The following OR7A5 variants were observed in gnomAD, a reference collection of about 807,000 sequenced individuals.
The protein encoded by OR7A5 is olfactory receptor 7A5.
For missense variants in OR7A5, 319 were observed against 377.9 expected, an observed-to-expected ratio of 0.84 and a Z score of 1.29; for synonymous variants, 140 against 146.7, an observed-to-expected ratio of 0.95 and a Z score of 0.33.
intron 1 of OR7A5, among the ~76,000 whole-genome samples, chr19:14,829,440 T>A (rs981964610): frequency 1.3e-5 from 2 of 152,302 alleles, no homozygotes; most frequent in Non-Finnish European, 1.5e-5. Flanking sequence ...CAACCTCAGG[T>A]GATCCGCTCA....
At position 14,826,366 on chromosome 19, in the gene OR7A5, T is replaced by C. The variant is rs1185997601; in HGVS notation, c.*916A>G. ...CACTTTAATGTTTACGACAAAATTTTATAATGAAGGAGGTATTTTGGTTAG... is the reference window on the plus strand; with the variant it reads ...CACTTTAATGTTTACGACAAAATTTCATAATGAAGGAGGTATTTTGGTTAG... On this transcript the variant is annotated 3_prime_UTR_variant, in exon 2 of 2. Coordinates refer to ENST00000322301, the MANE Select transcript of OR7A5 (RefSeq NM_017506.2). 6.6e-6 allele frequency: 1 copy of C among 152,234 alleles called. No homozygotes were observed. Among genetic ancestry groups the C allele is most frequent in the Non-Finnish European group, 1.5e-5 (1 of 68,030 alleles). 9.4% of individuals were successfully genotyped at this position (152,234 alleles called of 1,614,324 possible).
intron 1 of OR7A5, among the ~76,000 whole-genome samples, chr19:14,830,001 C>T (rs2044815414): frequency 6.6e-6 from 1 of 152,164 alleles, no homozygotes; most frequent in Admixed American, 6.5e-5. Context: ...TAGTTGGGAC[C>T]ACAGCCATGT....
rs199991194 is a variant in OR7A5 at position 14,826,853 on chromosome 19, T to TG, written c.*428_*429insC. The TG allele has an allele frequency of 0.015, 2,348 of 155,760 alleles. 45 individuals are homozygous for TG. Among genetic ancestry groups the TG allele is most frequent in the Non-Finnish European group, 0.019 (1,356 of 70,478 alleles). 9.6% of individuals were successfully genotyped at this position (155,760 alleles called of 1,614,324 possible). On this transcript the variant is annotated 3_prime_UTR_variant, in exon 2 of 2. Transcript: ENST00000322301. Reference sequence around the variant, plus strand: ...TACACAAGTATGTTCAGGTCTACATTATCAGGAGGAGCATTGAAGGTAGAG... The same window carrying TG: ...TACACAAGTATGTTCAGGTCTACATTGATCAGGAGGAGCATTGAAGGTAGAG...
intron 1 of OR7A5, 60 bp from the exon 2 acceptor site, chr19:14,828,314 G>A: frequency 9.0e-6 from 13 of 1,437,188 alleles, no homozygotes; most frequent in Non-Finnish European, 1.2e-5. Context: ...TAACCTTTCA[G>A]AAATACCATC....
chr19:14,827,743 A>T lies in OR7A5; in HGVS notation c.499T>A (p.Ser167Thr). Reference protein sequence around the residue: ...LLQILMVVRLSFCTALEIPHF... With the variant: ...LLQILMVVRLTFCTALEIPHF... ...GGGATTTCTAAGGCTGTGCAGAAGG[A>T]CAGCCGTACTACCATTAAGATTTGT... Residue 167 changes from serine to threonine, a missense_variant, in exon 2 of 2, where the codon TCC becomes ACC. Transcript: ENST00000322301. The T allele has an allele frequency of 1.2e-6, 2 of 1,614,184 alleles. No individual in the cohort carries two copies. Among genetic ancestry groups the T allele is most frequent in the Non-Finnish European group, 1.7e-6 (2 of 1,180,026 alleles).
At chr19:14,832,912 A>G (rs1262004117) in intron 1 of OR7A5, among the ~76,000 whole-genome samples, 1 of 152,248 alleles carries the variant, frequency 6.6e-6, no homozygotes, top group African/African-American at 2.4e-5. Context: ...ACATAAATTA[A>G]TAAATTGGCA....
At chr19:14,833,991 G>A (rs1359714039) in intron 1 of OR7A5, among the ~76,000 whole-genome samples, 1 of 152,156 alleles carries the variant, frequency 6.6e-6, no homozygotes, top group Admixed American at 6.5e-5. Flanking sequence ...TGGGCGTGGT[G>A]GCACACGTCT....
chr19:14,827,740 A>T lies in OR7A5; in HGVS notation c.502T>A (p.Phe168Ile), dbSNP rs2044785322. 1 of 1,614,048 alleles carries T rather than the reference A, an allele frequency of 6.2e-7. No homozygotes were observed. Among genetic ancestry groups the T allele is most frequent in the Admixed American group, 1.7e-5 (1 of 60,006 alleles). Residue 168 changes from phenylalanine (F) to isoleucine (I), a missense_variant, in exon 2 of 2, where the codon TTC (phenylalanine) becomes ATC (isoleucine). Physicochemically the swap from Phe to Ile is conservative, Grantham distance 21 (BLOSUM62 0). Coordinates refer to ENST00000322301, the MANE Select transcript of OR7A5 (RefSeq NM_017506.2). ...TGGGGGATTTCTAAGGCTGTGCAGA[A>T]GGACAGCCGTACTACCATTAAGATT... The part of the protein sequence containing the change: ...LQILMVVRLS[F>I]CTALEIPHFF...
rs1201519104 is a variant in OR7A5 at position 14,827,089 on chromosome 19, A to G, written c.*193T>C. On this transcript the variant is annotated 3_prime_UTR_variant, in exon 2 of 2. Transcript: ENST00000322301. ...TTGAGAAAGTAGGAAAACAACAAAG[A>G]GAAAAAACTGTTGGATATCAGAGAG... The G allele has an allele frequency of 2.1e-6, 1 of 472,682 alleles. No individual in the cohort carries two copies. Among genetic ancestry groups the G allele is most frequent in the Non-Finnish European group, 3.5e-6 (1 of 288,276 alleles). The allele number at this position is 472,682 out of a possible 1,614,324, so 29.3% of individuals were successfully genotyped here. A position where few individuals can be genotyped will look rare whatever the true frequency, so the allele number is the denominator to read the frequency against.
intron 1 of OR7A5, among the ~76,000 whole-genome samples, chr19:14,832,676 C>T (rs1395026071): frequency 2.0e-5 from 3 of 151,596 alleles, no homozygotes; most frequent in African/African-American, 7.3e-5. Flanking sequence ...CCACCCACCT[C>T]GGCCTCCCAA....
Position 14,828,042 on chromosome 19 carries a change from G to A in OR7A5, c.200C>T (p.Ser67Phe), listed in dbSNP as rs2145078112. The change falls in exon 2 of 2, where the codon TCC becomes TTC. Residue 67 changes from serine to phenylalanine, a missense_variant. Physicochemically the swap from Ser to Phe is radical, Grantham distance 155. Transcript: ENST00000322301. ...GGAAGTAACACAAATGTCAGCAAAG[G>A]ACAGGTTGGAGAGGAAGAAGTACAT... ...TPMYFFLSNL[S>F]FADICVTSTT... is the part of the protein sequence containing the mutation. 5 of 1,614,170 alleles carry A rather than the reference G, an allele frequency of 3.1e-6. No individual in the cohort carries two copies. Among genetic ancestry groups the A allele is most frequent in the Non-Finnish European group, 4.2e-6 (5 of 1,180,028 alleles).
chr19:14,828,428 T>C, intron 1 of OR7A5, 174 bp from the exon 2 acceptor site: 1 of 681,550 alleles, frequency 1.5e-6, no homozygotes, highest in South Asian at 2.0e-5. Flanking sequence ...CTTCCCACTC[T>C]CAGCCTTAAC....
rs1323617927 is a variant in OR7A5, at chr19:14,827,473, C to G, written c.769G>C (p.Gly257Arg). ...VVSLFYGAIL[G>R]VYLSSAATRN... is the part of the protein sequence containing the mutation. ...GTGGCAGCAGAACTAAGGTACACCC[C>G]TAGGATTGCACCATAAAATAAGGAG... The change falls in exon 2 of 2, where the codon GGG becomes CGG. Residue 257 changes from glycine (G) to arginine (R), a missense_variant. Coordinates refer to ENST00000322301, the MANE Select transcript of OR7A5 (RefSeq NM_017506.2). 1 of 1,614,036 alleles carries G rather than the reference C, an allele frequency of 6.2e-7. No homozygotes were observed. The highest frequency in any genetic ancestry group is 1.3e-5 in the African/African-American group (1 of 75,002).
rs1268702024 is a variant in OR7A5 at position 14,832,434 on chromosome 19, CT to C, written c.-14+2639del. 5.1e-3 allele frequency among the ~76,000 whole-genome samples: 441 copies of C among 86,448 alleles called. 3 individuals carry two copies. Among genetic ancestry groups the C allele is most frequent in the African/African-American group, 9.8e-3 (237 of 24,154 alleles). The allele number at this position is 86,448 out of a possible 152,430, so 56.7% of individuals were successfully genotyped here. On this transcript the variant is annotated intron_variant, in intron 1 of 1. Transcript: ENST00000322301. ...TCTCTCTTTCTTTCTTTTTTCTTTTCTTTTTTTTTTTTAATGGAGCCTTGCT... is the reference window on the plus strand; with the variant it reads ...TCTCTCTTTCTTTCTTTTTTCTTTTCTTTTTTTTTTTAATGGAGCCTTGCT...
chr19:14,834,913 C>T (rs761044649), intron 1 of OR7A5, among the ~76,000 whole-genome samples, 161 bp downstream of exon 1: 27 of 152,158 alleles, frequency 1.8e-4, no homozygotes, highest in Admixed American at 6.5e-5. Context: ...CATCATAAAA[C>T]GAGACATTAC....
At position 14,827,720 on chromosome 19, in the gene OR7A5, GA is replaced by G; in HGVS notation, c.521del (p.Ile174ThrfsTer25). ...GATTAAGTTCACAGAAAAAGTGGGG[GA>G]TTTCTAAGGCTGTGCAGAAGGACAG... Reference protein sequence around the residue: ...VRLSFCTALEIPHFFCELNQV... With the variant: ...VRLSFCTALEXPHFFCELNQV... On this transcript the variant is annotated frameshift_variant, in exon 2 of 2. Transcript: ENST00000322301. LOFTEE classifies it low-confidence loss of function (END_TRUNC). 6.2e-7 allele frequency: 1 copy of G among 1,614,132 alleles called. No homozygotes were observed. Among genetic ancestry groups the G allele is most frequent in the Non-Finnish European group, 8.5e-7 (1 of 1,180,016 alleles).
chr19:14,829,194 G>T (rs2044806525), intron 1 of OR7A5, among the ~76,000 whole-genome samples: 1 of 152,108 alleles, frequency 6.6e-6, no homozygotes, highest in Non-Finnish European at 1.5e-5. Flanking sequence ...AAACTTTGAG[G>T]GATGTGCTTC....
Position 14,827,264 on chromosome 19 carries a change from A to G in OR7A5, c.*18T>C. ...TGAAGAATGACAGTTACTACCTCTGAAGCTTAGAGCCCTGCAATCATGGGC... is the reference window on the plus strand; with the variant it reads ...TGAAGAATGACAGTTACTACCTCTGGAGCTTAGAGCCCTGCAATCATGGGC... On this transcript the variant is annotated 3_prime_UTR_variant, in exon 2 of 2. Coordinates refer to ENST00000322301, the MANE Select transcript of OR7A5 (RefSeq NM_017506.2). 6.6e-7 allele frequency: 1 copy of G among 1,514,620 alleles called. No individual in the cohort carries two copies. The highest frequency in any genetic ancestry group is 8.8e-7 in the Non-Finnish European group (1 of 1,135,160). The allele number at this position is 1,514,620 out of a possible 1,614,324, so 93.8% of individuals were successfully genotyped here. A position where few individuals can be genotyped will look rare whatever the true frequency, so the allele number is the denominator to read the frequency against.
At chr19:14,831,492 T>C (rs1398763722) in intron 1 of OR7A5, among the ~76,000 whole-genome samples, 1 of 152,090 alleles carries the variant, frequency 6.6e-6, no homozygotes, top group Non-Finnish European at 1.5e-5. Context: ...TCGCCCAGGT[T>C]GGAGTGCAAT....
Sources: gnomAD v4.1 joint callset for allele counts (sites outside exome capture counted in the v4.1 genomes callset) on GRCh38, gnomAD v4.1.1 for gene constraint, MANE v1.5 for transcripts, NCBI Gene and HGNC (gene_info 2026-07-23, HGNC 2026-07-21) for gene names.